Variants in ISG20 observed in about 807,000 individuals in gnomAD.
ISG20 encodes interferon-stimulated gene 20 kDa protein.
In ISG20, 8 loss-of-function variants were observed where a neutral mutation model predicts 11.1. The ratio of observed to expected loss-of-function variants is 0.72; its 90% CI spans 0.42 to 1.30. The LOEUF (loss-of-function observed/expected upper bound fraction) is 1.30. ISG20 is among the 50% of genes most tolerant of loss of function. The probability of loss-of-function intolerance (pLI) is 0.01; values close to 1 mark genes in which losing one functional copy is unlikely to be tolerated. For missense variants in ISG20, 243 were observed against 250.2 expected, an observed-to-expected ratio of 0.97 and a Z score of 0.19; for synonymous variants, 110 against 101.7, an observed-to-expected ratio of 1.08 and a Z score of -0.49.
At chr15:88,642,909 T>G (rs1291551707) in intron 2 of ISG20, among the ~76,000 whole-genome samples, 1 of 151,194 alleles carries the variant, frequency 6.6e-6, no homozygotes, top group Non-Finnish European at 1.5e-5. Context: ...AGCCACTGCA[T>G]CTGGCTGAAG....
At chr15:88,636,482 A>G (rs1191096667), upstream of ISG20, among the ~76,000 whole-genome samples, 1 of 152,218 alleles carries the variant, frequency 6.6e-6, no homozygotes, top group South Asian at 2.1e-4. Context: ...ACAGTAAATG[A>G]ACAAGTAAAA....
intron 3 of ISG20, among the ~76,000 whole-genome samples, chr15:88,654,944 T>C (rs971329811): frequency 9.2e-5 from 14 of 152,142 alleles, no homozygotes; most frequent in African/African-American, 2.7e-4. Flanking sequence ...CGCAGGCCTC[T>C]TATTTTAGCT....
At chr15:88,636,452 C>A (rs138748663), upstream of ISG20, among the ~76,000 whole-genome samples, 91 of 152,250 alleles carry the variant, frequency 6.0e-4, no homozygotes, top group African/African-American at 2.2e-3. Flanking sequence ...CAGTTTTGAA[C>A]TAAACAGATG....
chr15:88,636,697 A>G (rs146934163), upstream of ISG20, among the ~76,000 whole-genome samples: 59 of 152,220 alleles, frequency 3.9e-4, no homozygotes, highest in African/African-American at 1.2e-3. Flanking sequence ...ATTCACCACA[A>G]TGGATTATTT....
intron 3 of ISG20, among the ~76,000 whole-genome samples, chr15:88,652,641 TC>T (rs1363772081): frequency 3.3e-5 from 4 of 121,062 alleles, no homozygotes; most frequent in Non-Finnish European, 6.8e-5. Context: ...CTCCCTTTCC[TC>T]CTCCTCCCTC....
intron 2 of ISG20, among the ~76,000 whole-genome samples, chr15:88,641,696 A>T (rs1596045609): frequency 6.6e-6 from 1 of 152,038 alleles, no homozygotes; most frequent in Admixed American, 6.5e-5. Context: ...CAGTGGCAGG[A>T]TCTGGGCTCA....
In ISG20 at chr15:88,656,070, CAG is replaced by C. The variant is rs1187234434; in HGVS notation, c.*545_*546del. 1 of 152,340 alleles carries C rather than the reference CAG, an allele frequency of 6.6e-6. No homozygotes were observed. The highest frequency in any genetic ancestry group is 1.9e-4 in the East Asian group (1 of 5,192). The allele number at this position is 152,340 out of a possible 1,614,324, so 9.4% of individuals were successfully genotyped here. On this transcript the variant is annotated 3_prime_UTR_variant, in exon 4 of 4. Coordinates refer to ENST00000306072, the MANE Select transcript of ISG20 (RefSeq NM_002201.6). Reference sequence around the variant, plus strand: ...AAGGAAAGGTAACAAACTGTGGAGTCAGAGAGAAGTAGGTTGGAATCCTCTTT... The same window carrying C: ...AAGGAAAGGTAACAAACTGTGGAGTCAGAGAAGTAGGTTGGAATCCTCTTT...
intron 3 of ISG20, among the ~76,000 whole-genome samples, chr15:88,654,372 C>T (rs1266936246): frequency 1.3e-5 from 2 of 152,192 alleles, no homozygotes; most frequent in Non-Finnish European, 2.9e-5. Flanking sequence ...AACAATACAG[C>T]GTAATAACGG....
At chr15:88,653,658 G>A (rs1157130716) in intron 3 of ISG20, among the ~76,000 whole-genome samples, 1 of 152,100 alleles carries the variant, frequency 6.6e-6, no homozygotes, top group Non-Finnish European at 1.5e-5. Flanking sequence ...CAGAAGCTCA[G>A]TACCCCACCA....
rs183275501 is a variant in ISG20, at chr15:88,650,612, G to A, written c.229-1498G>A. The A allele has an allele frequency of 2.0e-4, 95 of 474,208 alleles. No homozygotes were observed. The highest frequency in any genetic ancestry group is 1.4e-3 in the South Asian group (64 of 47,056). 29.4% of individuals were successfully genotyped at this position (474,208 alleles called of 1,614,324 possible). A position where few individuals can be genotyped will look rare whatever the true frequency, so the allele number is the denominator to read the frequency against. On this transcript the variant is annotated intron_variant, in intron 2 of 3. Coordinates refer to ENST00000306072, the MANE Select transcript of ISG20 (RefSeq NM_002201.6). This position sits in a 1 kb window ranked among gnomAD's most constrained non-coding sequence, Gnocchi z 4.0. ...CAGGTGCTCTGCAGCAGGACAGGCCGTCAGTTAAGGCACCTTGAAGGCTGG... is the reference window on the plus strand; with the variant it reads ...CAGGTGCTCTGCAGCAGGACAGGCCATCAGTTAAGGCACCTTGAAGGCTGG...
chr15:88,652,629 C>CCCT (rs1214582064), intron 3 of ISG20, among the ~76,000 whole-genome samples: 2 of 119,656 alleles, frequency 1.7e-5, no homozygotes, highest in Non-Finnish European at 3.5e-5. Flanking sequence ...CTCCCCTGTC[C>CCCT]CCTCCCTTTC....
chr15:88,654,018 C>T (rs897038704), intron 3 of ISG20, among the ~76,000 whole-genome samples: 1 of 152,102 alleles, frequency 6.6e-6, no homozygotes, highest in Admixed American at 6.5e-5. Flanking sequence ...AAACAGAGGC[C>T]CAGAGAGGAA....
Position 88,639,277 on chromosome 15 carries a change from G to T in ISG20, c.-24-66G>T. On this transcript the variant is annotated intron_variant, in intron 1 of 3. Coordinates refer to ENST00000306072, the MANE Select transcript of ISG20 (RefSeq NM_002201.6). The surrounding 1 kb of genome is among the most constrained non-coding windows in gnomAD (Gnocchi z 4.2). ...GCGGAGGGTAAGGCCAGCTGGGGTT[G>T]GCTGAGGACACCTGGAGGCTTGGTT... 4.1e-6 allele frequency: 4 copies of T among 983,184 alleles called. No individual in the cohort carries two copies. Among genetic ancestry groups the T allele is most frequent in the Non-Finnish European group, 4.5e-6 (3 of 667,454 alleles). 60.9% of individuals were successfully genotyped at this position (983,184 alleles called of 1,614,324 possible). A position where few individuals can be genotyped will look rare whatever the true frequency, so the allele number is the denominator to read the frequency against.
At chr15:88,644,081 A>G (rs566613270) in intron 2 of ISG20, among the ~76,000 whole-genome samples, 24 of 152,300 alleles carry the variant, frequency 1.6e-4, no homozygotes, top group African/African-American at 5.5e-4. Context: ...AGCTGGTGGT[A>G]TTTGAAAGGG....
At chr15:88,644,890 T>C (rs1259823529) in intron 2 of ISG20, among the ~76,000 whole-genome samples, 3 of 152,202 alleles carry the variant, frequency 2.0e-5, no homozygotes, top group African/African-American at 7.2e-5. Context: ...AAGGAGGCAG[T>C]AGAGCAGTAC....
chr15:88,636,692 C>T (rs959361301), upstream of ISG20, among the ~76,000 whole-genome samples: 1 of 152,118 alleles, frequency 6.6e-6, no homozygotes, highest in Non-Finnish European at 1.5e-5. Flanking sequence ...GTGTGATTCA[C>T]CACAATGGAT....
chr15:88,649,556 CAAGAA>C (rs1481383487), intron 2 of ISG20: 4 of 152,770 alleles, frequency 2.6e-5, no homozygotes, highest in Middle Eastern at 6.8e-3. Context: ...AGGATGTTAG[CAAGAA>C]AAGACACATG....
At chr15:88,644,532 C>CAAAAA (rs373461017) in intron 2 of ISG20, among the ~76,000 whole-genome samples, 8 of 89,046 alleles carry the variant, frequency 9.0e-5, no homozygotes, top group South Asian at 3.4e-4. Flanking sequence ...ACTTAGTCTC[C>CAAAAA]AAAAAAAAAA....
In ISG20 at chr15:88,651,332, T is replaced by G. The variant is rs529165894; in HGVS notation, c.229-778T>G. ...TGCCGTAAGGAAGCCATCAACTTAG[T>G]GATTCACAGCAACACAGATGTCTTC... On this transcript the variant is annotated intron_variant, in intron 2 of 3. Transcript: ENST00000306072. The G allele has an allele frequency of 1.6e-3, 1,554 of 966,874 alleles. 1 individual carries two copies. Among genetic ancestry groups the G allele is most frequent in the Non-Finnish European group, 1.8e-3 (1,466 of 812,924 alleles). The allele number at this position is 966,874 out of a possible 1,614,324, so 59.9% of individuals were successfully genotyped here.
Sources: allele counts gnomAD v4.1 joint callset (sites outside exome capture counted in the v4.1 genomes callset), GRCh38; gene constraint gnomAD v4.1.1; non-coding constraint Gnocchi (gnomAD v3.1); transcripts MANE v1.5; gene names NCBI Gene and HGNC (gene_info 2026-07-23, HGNC 2026-07-21).